The following SLC24A2 variants were observed in gnomAD, a reference collection of about 807,000 sequenced individuals.
SLC24A2 encodes the protein solute carrier family 24 member 2.
In SLC24A2, 36 loss-of-function variants were observed where a neutral mutation model predicts 62.0. That is an observed-to-expected ratio of 0.58 (90% CI 0.44 to 0.77). The LOEUF is 0.77. SLC24A2 is among the 30% of genes least tolerant of loss of function. The probability of loss-of-function intolerance (pLI) is 0.00; values close to 1 mark genes in which losing one functional copy is unlikely to be tolerated. For synonymous variants in SLC24A2, 358 were observed against 294.0 expected (o/e 1.22, Z -2.23); for missense variants, 846 against 817.9 (o/e 1.03, Z -0.42).
the SLC24A2 span, among the ~76,000 whole-genome samples, chr9:19,838,037 A>T: frequency 1.3e-5 from 2 of 150,604 alleles, no homozygotes; most frequent in Non-Finnish European, 3.0e-5. Flanking sequence ...CAAGCTACCA[A>T]TGCCTTTCTT....
At chr9:19,830,689 G>A in the SLC24A2 span, among the ~76,000 whole-genome samples, 14 of 152,160 alleles carry the variant, frequency 9.2e-5, no homozygotes, top group South Asian at 2.1e-4. Context: ...ATCTAGACCC[G>A]GCAGACTCCA....
At chr9:20,021,609 T>C in the SLC24A2 span, among the ~76,000 whole-genome samples, 1 of 151,756 alleles carries the variant, frequency 6.6e-6, no homozygotes, top group Non-Finnish European at 1.5e-5. Context: ...ACCAAAGACG[T>C]TTTCAAGCAC....
the SLC24A2 span, among the ~76,000 whole-genome samples, chr9:19,982,060 T>C: frequency 6.6e-6 from 1 of 152,102 alleles, no homozygotes; most frequent in Non-Finnish European, 1.5e-5. Context: ...AAGATTGCAA[T>C]GAGTGAATAA....
At chr9:20,302,823 G>T in the SLC24A2 span, among the ~76,000 whole-genome samples, 37 of 152,098 alleles carry the variant, frequency 2.4e-4, no homozygotes, top group Non-Finnish European at 4.0e-4. Context: ...TACCACTGTG[G>T]GGCTGAACCA....
the SLC24A2 span, among the ~76,000 whole-genome samples, chr9:19,948,000 A>G: frequency 6.6e-6 from 1 of 152,140 alleles, no homozygotes. Context: ...TTCTTTGGTT[A>G]TCTTTTGCTT....
chr9:19,857,465 A>C, the SLC24A2 span, among the ~76,000 whole-genome samples: 1 of 152,210 alleles, frequency 6.6e-6, no homozygotes, highest in African/African-American at 2.4e-5. Flanking sequence ...TCAGTCTATC[A>C]CAACAATATT....
chr9:19,940,570 C>A, the SLC24A2 span, among the ~76,000 whole-genome samples: 2 of 152,114 alleles, frequency 1.3e-5, no homozygotes, highest in African/African-American at 4.8e-5. Flanking sequence ...TCACCCCTAC[C>A]CCCAACCCCA....
At chr9:19,799,943 A>C in the SLC24A2 span, among the ~76,000 whole-genome samples, 4 of 152,176 alleles carry the variant, frequency 2.6e-5, no homozygotes, top group African/African-American at 9.6e-5. Flanking sequence ...AGCATGGTTA[A>C]GGCTCCAGGG....
chr9:20,193,440 G>A, the SLC24A2 span, among the ~76,000 whole-genome samples: 421 of 152,006 alleles, frequency 2.8e-3, no homozygotes, highest in African/African-American at 9.9e-3. Context: ...CCACCCAAAA[G>A]AAAGATTATC....
intron 2 of SLC24A2, among the ~76,000 whole-genome samples, chr9:19,752,163 G>T (rs572317409): frequency 6.6e-6 from 1 of 152,096 alleles, no homozygotes; most frequent in Non-Finnish European, 1.5e-5. Context: ...AAATAAGAAC[G>T]GAAACTAGAG....
chr9:19,850,174 T>A, the SLC24A2 span, among the ~76,000 whole-genome samples: 1 of 151,962 alleles, frequency 6.6e-6, no homozygotes, highest in African/African-American at 2.4e-5. Flanking sequence ...AATTAAGCAG[T>A]CATCATAATA....
intron 2 of SLC24A2, among the ~76,000 whole-genome samples, chr9:19,750,811 G>A (rs1821960639): frequency 1.3e-5 from 2 of 152,080 alleles, no homozygotes; most frequent in South Asian, 2.1e-4. Flanking sequence ...CCAAGCTACC[G>A]GCCAGGTGTC....
At chr9:19,640,922 T>C (rs1428287294) in intron 2 of SLC24A2, among the ~76,000 whole-genome samples, 1 of 152,254 alleles carries the variant, frequency 6.6e-6, no homozygotes, top group East Asian at 1.9e-4. Flanking sequence ...TGTTATCTTC[T>C]ATTCTAAGTT....
the SLC24A2 span, among the ~76,000 whole-genome samples, chr9:19,863,116 G>T: frequency 6.6e-6 from 1 of 151,926 alleles, no homozygotes; most frequent in Non-Finnish European, 1.5e-5. Flanking sequence ...ATGCAAAATA[G>T]ATTTCAAGAC....
the SLC24A2 span, among the ~76,000 whole-genome samples, chr9:20,096,085 ATCCGTCCGTCCGTCCG>A: frequency 0.05 from 7,015 of 140,452 alleles, 208 homozygotes; most frequent in Middle Eastern, 0.1. Flanking sequence ...CCATCCATCC[ATCCGTCCGTCCGTCCG>A]TCCGTCCGTC....
the SLC24A2 span, among the ~76,000 whole-genome samples, chr9:20,004,807 G>A: frequency 7.9e-5 from 10 of 126,200 alleles, no homozygotes; most frequent in Admixed American, 2.2e-4. Flanking sequence ...CTGTGAAGAT[G>A]ATGATTTTTT....
chr9:20,298,531 G>T, the SLC24A2 span, among the ~76,000 whole-genome samples: 1 of 152,306 alleles, frequency 6.6e-6, no homozygotes, highest in South Asian at 2.1e-4. Context: ...ACCCGGTCCA[G>T]AAAGACTAAT....
intron 2 of SLC24A2, among the ~76,000 whole-genome samples, chr9:19,741,247 G>A (rs78508147): frequency 0.014 from 2,114 of 152,256 alleles, 50 homozygotes; most frequent in African/African-American, 0.049. Context: ...TGCAAACCAC[G>A]CTCCTGATTT....
chr9:20,130,669 GT>G, the SLC24A2 span, among the ~76,000 whole-genome samples: 2 of 152,144 alleles, frequency 1.3e-5, no homozygotes, highest in South Asian at 2.1e-4. Flanking sequence ...CCATTGCAGA[GT>G]TTTAGGCAAG....
Sources: gnomAD v4.1 joint callset for allele counts (sites outside exome capture counted in the v4.1 genomes callset) on GRCh38, gnomAD v4.1.1 for gene constraint, MANE v1.5 for transcripts, NCBI Gene and HGNC (gene_info 2026-07-23, HGNC 2026-07-21) for gene names.